The following TPTE variants were observed in gnomAD, a reference collection of about 807,000 sequenced individuals.
The protein encoded by TPTE is putative tyrosine-protein phosphatase TPTE.
TPTE carries 59 observed loss-of-function variants against 84.1 expected under a neutral mutation model. That is an observed-to-expected ratio of 0.70 (90% CI 0.57 to 0.87). TPTE has a LOEUF of 0.87. TPTE is among the 40% of genes least tolerant of loss of function. TPTE has a pLI of 0.00. For missense variants in TPTE, 382 were observed against 659.6 expected (o/e 0.58, Z 4.61); for synonymous variants, 130 against 223.5 (o/e 0.58, Z 3.73).
At chr21:10,572,983 T>C (rs1203732464) in intron 14 of TPTE, among the ~76,000 whole-genome samples, 2 of 152,286 alleles carry the variant, frequency 1.3e-5, no homozygotes, top group East Asian at 3.8e-4. Context: ...AAGCCTCATC[T>C]ATTAATAGTA....
At chr21:10,531,304 C>G (rs1304847546) in intron 3 of TPTE, among the ~76,000 whole-genome samples, 1 of 152,306 alleles carries the variant, frequency 6.6e-6, no homozygotes, top group Non-Finnish European at 1.5e-5. Flanking sequence ...TGAGTGAGTA[C>G]TCACTCTATT....
chr21:10,604,101 G>C (rs1978963572), intron 23 of TPTE, among the ~76,000 whole-genome samples: 1 of 152,304 alleles, frequency 6.6e-6, no homozygotes, highest in East Asian at 1.9e-4. Flanking sequence ...ACAAGACACA[G>C]TATTAAGGAA....
intron 7 of TPTE, among the ~76,000 whole-genome samples, chr21:10,544,651 TG>T (rs1408999206): frequency 1.3e-5 from 2 of 152,296 alleles, no homozygotes; most frequent in Admixed American, 6.5e-5. Flanking sequence ...CCCAAACTGC[TG>T]GGTTTACGGT....
chr21:10,540,494 C>T (rs1463259698), intron 4 of TPTE, among the ~76,000 whole-genome samples: 1 of 152,306 alleles, frequency 6.6e-6, no homozygotes, highest in Non-Finnish European at 1.5e-5. Context: ...GTAGCATGAA[C>T]CAAGGGAGAA....
intron 7 of TPTE, among the ~76,000 whole-genome samples, chr21:10,546,271 C>T (rs187003751): frequency 7.9e-5 from 12 of 152,300 alleles, no homozygotes; most frequent in East Asian, 3.8e-4. Flanking sequence ...TGGGGCAACA[C>T]GAACCATGTC....
intron 11 of TPTE, among the ~76,000 whole-genome samples, chr21:10,569,087 T>G (rs1186566449): frequency 6.6e-6 from 1 of 152,308 alleles, no homozygotes; most frequent in African/African-American, 2.4e-5. Context: ...AAGAGTCTAT[T>G]GTATCACTAT....
At chr21:10,528,517 G>A (rs201618850) in intron 3 of TPTE, among the ~76,000 whole-genome samples, 2,597 of 150,720 alleles carry the variant, frequency 0.017, 1 homozygote, top group East Asian at 0.14. Flanking sequence ...TCATATCACC[G>A]CTCCATGTGG....
intron 17 of TPTE, among the ~76,000 whole-genome samples, chr21:10,585,204 T>G (rs1291987255): frequency 6.7e-6 from 1 of 150,032 alleles, no homozygotes; most frequent in Non-Finnish European, 1.5e-5. Flanking sequence ...CTCTCCAACC[T>G]GGATGACAGA....
intron 7 of TPTE, among the ~76,000 whole-genome samples, chr21:10,547,088 T>C (rs2074482552): frequency 6.6e-6 from 1 of 152,308 alleles, no homozygotes; most frequent in Non-Finnish European, 1.5e-5. Flanking sequence ...ATTCTCTTGT[T>C]AGGGGCTAAT....
chr21:10,538,430 C>T (rs2074306713), intron 3 of TPTE, among the ~76,000 whole-genome samples: 2 of 152,310 alleles, frequency 1.3e-5, no homozygotes, highest in African/African-American at 2.4e-5. Context: ...CGCATTGGGA[C>T]TGAGGTCATA....
intron 3 of TPTE, among the ~76,000 whole-genome samples, chr21:10,534,339 C>G (rs899945034): frequency 2.0e-5 from 3 of 152,308 alleles, no homozygotes; most frequent in South Asian, 2.1e-4. Flanking sequence ...CAGCCTAATG[C>G]TCTCCTAATT....
rs377622985 is a variant in TPTE, at chr21:10,542,476, G to T, written c.119+28G>T. The T allele has an allele frequency of 1.7e-5, 28 of 1,607,356 alleles. No homozygotes were observed. The South Asian group carries it at 2.7e-4, about 16-fold the overall frequency. On this transcript the variant is annotated intron_variant, in intron 6 of 23. Transcript: ENST00000618007. The stretch of plus-strand genomic sequence containing the variant: ...GAGCAATAAATAGTTAAAGTCACCC[G>T]TCAGCATAAGTGTGCATAGAACTAT...
intron 17 of TPTE, among the ~76,000 whole-genome samples, chr21:10,583,704 C>T (rs938304943): frequency 2.6e-5 from 4 of 152,422 alleles, no homozygotes; most frequent in Admixed American, 6.5e-5. Flanking sequence ...AGGTTCATTC[C>T]TTTTAAAATT....
At chr21:10,537,512 A>T (rs2074287300) in intron 3 of TPTE, among the ~76,000 whole-genome samples, 1 of 152,310 alleles carries the variant, frequency 6.6e-6, no homozygotes, top group South Asian at 2.1e-4. Flanking sequence ...CCCCGTCTCT[A>T]CTAAAAATAC....
intron 20 of TPTE, 50 bp downstream of exon 20, chr21:10,596,137 C>A (rs2075584487): frequency 6.2e-7 from 1 of 1,611,838 alleles, no homozygotes; most frequent in Non-Finnish European, 8.5e-7. Flanking sequence ...GCCAATGTCC[C>A]CACTCTGGGA....
rs1169770189 is a variant in TPTE, at chr21:10,588,482, T to C, written c.1028-1980T>C. ...GTGACCTTGGATAGTCTGGTGAGTATATGCCTTGGTAATGTTCATTTTTTA... is the reference window on the plus strand; with the variant it reads ...GTGACCTTGGATAGTCTGGTGAGTACATGCCTTGGTAATGTTCATTTTTTA... On this transcript the variant is annotated intron_variant, in intron 17 of 23. Transcript: ENST00000618007. 9.2e-5 allele frequency among the ~76,000 whole-genome samples: 14 copies of C among 152,402 alleles called. No individual in the cohort carries two copies. In the East Asian group the frequency reaches 2.7e-3, roughly 29 times the overall value.
chr21:10,546,591 C>A (rs1376404692), intron 7 of TPTE, among the ~76,000 whole-genome samples: 2 of 152,306 alleles, frequency 1.3e-5, no homozygotes, highest in South Asian at 2.1e-4. Flanking sequence ...AGTCAAAAAA[C>A]TTCTTGAAGA....
intron 7 of TPTE, among the ~76,000 whole-genome samples, chr21:10,546,756 T>A (rs902052559): frequency 2.6e-5 from 4 of 152,416 alleles, no homozygotes; most frequent in Admixed American, 6.5e-5. Context: ...AGGCCCTCAC[T>A]CTCTTTGATT....
intron 14 of TPTE, among the ~76,000 whole-genome samples, 162 bp from the exon 15 acceptor site, chr21:10,577,298 T>C (rs1362389399): frequency 6.6e-6 from 1 of 152,310 alleles, no homozygotes; most frequent in Non-Finnish European, 1.5e-5. Flanking sequence ...TCACAGTGGA[T>C]TAGAACTTGA....
Sources: allele counts gnomAD v4.1 joint callset (sites outside exome capture counted in the v4.1 genomes callset), GRCh38; gene constraint gnomAD v4.1.1; transcripts MANE v1.5; gene names NCBI Gene and HGNC (gene_info 2026-07-23, HGNC 2026-07-21).